SPTLC1: variants seen among roughly 807,000 people sequenced by gnomAD.
SPTLC1 encodes serine palmitoyltransferase long chain base subunit 1.
A neutral mutation model predicts 68.9 loss-of-function variants in SPTLC1; 55 were observed. That is an observed-to-expected ratio of 0.80 (90% confidence interval 0.64 to 1.00). SPTLC1 has a LOEUF of 1.00. SPTLC1 is among the 50% of genes least tolerant of loss of function. The pLI is 0.00. For missense variants in SPTLC1, 449 were observed against 573.1 expected (o/e 0.78, Z 2.21); for synonymous variants, 197 against 201.6 (o/e 0.98, Z 0.19).
intron 6 of SPTLC1, among the ~76,000 whole-genome samples, chr9:92,060,818 CAGG>C (rs1418262291): frequency 1.3e-5 from 2 of 148,384 alleles, no homozygotes; most frequent in African/African-American, 5.0e-5. Flanking sequence ...GAGGCTGAGG[CAGG>C]AGAATGGTGT....
chr9:92,045,927 T>G (rs894467694), intron 12 of SPTLC1, 72 bp downstream of exon 12: 57 of 1,441,702 alleles, frequency 4.0e-5, no homozygotes, highest in South Asian at 2.5e-4. Flanking sequence ...GCCTAGAAAT[T>G]TAAAACTTTC....
chr9:92,112,076 C>G (rs1318093868), intron 2 of SPTLC1, among the ~76,000 whole-genome samples: 7 of 152,162 alleles, frequency 4.6e-5, no homozygotes, highest in African/African-American at 1.7e-4. Context: ...TCTACTCTGA[C>G]TCTCCTTTAA....
At chr9:92,092,774 A>G (rs1257563213) in intron 3 of SPTLC1, among the ~76,000 whole-genome samples, 2 of 152,196 alleles carry the variant, frequency 1.3e-5, no homozygotes, top group East Asian at 3.8e-4. Context: ...CTGGAATAGT[A>G]CTTAGAAGGG....
chr9:92,045,197 G>C (rs1004929984), intron 12 of SPTLC1, among the ~76,000 whole-genome samples: 5 of 152,042 alleles, frequency 3.3e-5, no homozygotes, highest in African/African-American at 1.2e-4. Context: ...TTTCAGTTAA[G>C]TCTCCAGTTT....
chr9:92,104,310 C>A, intron 3 of SPTLC1: 2 of 1,383,902 alleles, frequency 1.4e-6, no homozygotes, highest in East Asian at 5.3e-5. Flanking sequence ...GCCGGGCTCA[C>A]CCCGCGGCTC....
chr9:92,070,581 T>C (rs1834442374), intron 5 of SPTLC1, among the ~76,000 whole-genome samples: 1 of 152,042 alleles, frequency 6.6e-6, no homozygotes, highest in Non-Finnish European at 1.5e-5. Context: ...CACCAGAACC[T>C]CAGGGACAGG....
chr9:92,060,812 C>T (rs1313489321), intron 6 of SPTLC1, among the ~76,000 whole-genome samples: 1 of 149,722 alleles, frequency 6.7e-6, no homozygotes, highest in Non-Finnish European at 1.5e-5. Flanking sequence ...ACTCGGGAGG[C>T]TGAGGCAGGA....
intron 14 of SPTLC1, 147 bp from the exon 15 acceptor site, chr9:92,032,705 T>A: frequency 9.1e-7 from 1 of 1,099,368 alleles, no homozygotes; most frequent in Admixed American, 2.0e-5. Context: ...TGAAACCCCA[T>A]CTCTGCTAAA....
At chr9:92,052,663 G>A (rs1007150962) in intron 8 of SPTLC1, among the ~76,000 whole-genome samples, 3 of 151,802 alleles carry the variant, frequency 2.0e-5, no homozygotes, top group African/African-American at 7.3e-5. Flanking sequence ...CCGAGTAGCT[G>A]GGATTACAGG....
chr9:92,065,063 T>G (rs957248601), intron 6 of SPTLC1, among the ~76,000 whole-genome samples: 9 of 152,252 alleles, frequency 5.9e-5, no homozygotes, highest in Non-Finnish European at 1.2e-4. Flanking sequence ...CTGTTCGTTT[T>G]GCAAGAGGTC....
In SPTLC1 at chr9:92,056,709, C is replaced by T. The variant is rs542120944; in HGVS notation, c.691-1215G>A. Among the ~76,000 whole-genome samples the T allele has an allele frequency of 2.0e-5, 3 of 152,210 alleles. No homozygotes were observed. The East Asian group carries it at 5.8e-4, about 29-fold the overall frequency. ...GATCTCTTGCCTCTAAGTTTCTGCTCCAATGGACAATTAGAAATGATCAGA... is the reference window on the plus strand; with the variant it reads ...GATCTCTTGCCTCTAAGTTTCTGCTTCAATGGACAATTAGAAATGATCAGA... On this transcript the variant is annotated intron_variant, in intron 7 of 14. Coordinates refer to ENST00000262554, the MANE Select transcript of SPTLC1 (RefSeq NM_006415.4).
intron 3 of SPTLC1, chr9:92,105,229 G>A: frequency 1.3e-6 from 2 of 1,534,300 alleles, no homozygotes; most frequent in Non-Finnish European, 8.7e-7. Flanking sequence ...TGCAACTGAG[G>A]TGGGAGAGAG....
Position 92,032,442 on chromosome 9 carries a change from A to C in SPTLC1, c.*23T>G. The C allele has an allele frequency of 6.2e-7, 1 of 1,613,902 alleles. No individual in the cohort carries two copies. The highest frequency in any genetic ancestry group is 8.5e-7 in the Non-Finnish European group (1 of 1,180,016). ...TCCTCTCTGCGTGTTGTGTGGCAGG[A>C]GGCCATGGTCCCGGGACTCTGCCTA... On this transcript the variant is annotated 3_prime_UTR_variant, in exon 15 of 15. Transcript: ENST00000262554.
intron 3 of SPTLC1, among the ~76,000 whole-genome samples, chr9:92,084,504 A>G (rs1241153708): frequency 3.3e-5 from 5 of 152,078 alleles, no homozygotes; most frequent in South Asian, 2.1e-4. Context: ...ATAATCATGT[A>G]GTTTTTGTCT....
At chr9:92,105,058 G>T (rs1835904283) in intron 3 of SPTLC1, 11 of 1,528,346 alleles carry the variant, frequency 7.2e-6, no homozygotes, top group Middle Eastern at 2.3e-4. Flanking sequence ...AAGACCACCT[G>T]CCCAGCTCTC....
chr9:92,115,353 C>T lies in SPTLC1; in HGVS notation c.18G>A (p.Glu6=), dbSNP rs767650919. ...GTACCATCTCCACCAGAACCCACTG[C>T]TCCGTGGCGGTCGCCATAGTTAGCC... MATAT[E]QWVLVEMVQA... The change falls in exon 1 of 15, where the codon GAG becomes GAA. Residue 6 remains glutamate, a synonymous_variant. Transcript: ENST00000262554. 1.2e-6 allele frequency: 2 copies of T among 1,612,926 alleles called. No homozygotes were observed. The highest frequency in any genetic ancestry group is 1.3e-5 in the African/African-American group (1 of 74,948).
At chr9:92,085,406 G>T (rs1299727130) in intron 3 of SPTLC1, among the ~76,000 whole-genome samples, 3 of 151,634 alleles carry the variant, frequency 2.0e-5, no homozygotes, top group Non-Finnish European at 4.4e-5. Flanking sequence ...TCTACACACT[G>T]CTTTGAATGT....
At chr9:92,112,000 G>A (rs1836267455) in intron 2 of SPTLC1, 2 of 158,014 alleles carry the variant, frequency 1.3e-5, no homozygotes. Context: ...TCTATGCTCA[G>A]AATTCTTTTT....
intron 8 of SPTLC1, chr9:92,054,065 T>G: frequency 4.1e-6 from 2 of 491,060 alleles, no homozygotes; most frequent in Non-Finnish European, 5.3e-6. Context: ...GTGGATCACC[T>G]GAGGTTGGGA....
Sources: allele counts gnomAD v4.1 joint callset (sites outside exome capture counted in the v4.1 genomes callset), GRCh38; gene constraint gnomAD v4.1.1; transcripts MANE v1.5; gene names NCBI Gene and HGNC (gene_info 2026-07-23, HGNC 2026-07-21).